GULP1: variants seen among roughly 807,000 people sequenced by gnomAD.
The protein encoded by GULP1 is PTB domain-containing engulfment adapter protein 1.
Under a neutral mutation model 40.9 loss-of-function variants are expected in GULP1, and 19 were observed. The ratio of observed to expected loss-of-function variants is 0.46; its 90% CI spans 0.32 to 0.68. GULP1 has a LOEUF of 0.68. Among genes scored for constraint, GULP1 ranks in the 30% least tolerant of loss-of-function variants. The pLI, the probability that GULP1 is intolerant of heterozygous loss-of-function variation, is 0.03. For synonymous variants in GULP1, 119 were observed against 117.6 expected, an observed-to-expected ratio of 1.01 and a Z score of -0.08; for missense variants, 312 against 362.2, an observed-to-expected ratio of 0.86 and a Z score of 1.12.
intron 1 of GULP1, among the ~76,000 whole-genome samples, chr2:188,322,502 G>A (rs2040137917): frequency 6.6e-6 from 1 of 152,074 alleles, no homozygotes; most frequent in Admixed American, 6.6e-5. Flanking sequence ...TTATAACGTG[G>A]CTGGATATAA....
At chr2:188,325,134 A>T (rs183871740) in intron 1 of GULP1, among the ~76,000 whole-genome samples, 88 of 152,182 alleles carry the variant, frequency 5.8e-4, no homozygotes, top group African/African-American at 2.0e-3. Flanking sequence ...CGAAACATTT[A>T]TTGATATATA....
At chr2:188,470,383 T>C (rs2060490615) in intron 2 of GULP1, among the ~76,000 whole-genome samples, 1 of 152,240 alleles carries the variant, frequency 6.6e-6, no homozygotes, top group Non-Finnish European at 1.5e-5. Flanking sequence ...TTTGAATGTC[T>C]GCTGTATCAG....
chr2:188,459,695 G>A (rs556476674), intron 2 of GULP1, among the ~76,000 whole-genome samples: 1 of 152,154 alleles, frequency 6.6e-6, no homozygotes, highest in Admixed American at 6.5e-5. Flanking sequence ...GTACTTGTGG[G>A]TTATTACTAA....
At chr2:188,312,397 ATTTG>A (rs1460592886) in intron 1 of GULP1, among the ~76,000 whole-genome samples, 1 of 151,930 alleles carries the variant, frequency 6.6e-6, no homozygotes. Flanking sequence ...AACATGTGGT[ATTTG>A]GTTTTCTGTT....
intron 2 of GULP1, among the ~76,000 whole-genome samples, chr2:188,457,825 C>G (rs780507585): frequency 1.9e-4 from 29 of 152,290 alleles, no homozygotes; most frequent in African/African-American, 6.7e-4. Context: ...ACAAACCCCC[C>G]ACACATGCAT....
At chr2:188,494,950 GATACCAC>G (rs1383467964) in intron 4 of GULP1, among the ~76,000 whole-genome samples, 2 of 151,950 alleles carry the variant, frequency 1.3e-5, no homozygotes, top group African/African-American at 4.8e-5. Context: ...AGACTTACCT[GATACCAC>G]AGTCCTCTCA....
At chr2:188,317,346 A>T (rs992269694) in intron 1 of GULP1, among the ~76,000 whole-genome samples, 3 of 152,200 alleles carry the variant, frequency 2.0e-5, no homozygotes, top group Non-Finnish European at 4.4e-5. Context: ...TATTTTTACA[A>T]GATATACTGG....
chr2:188,500,423 A>C (rs7602180), intron 4 of GULP1, among the ~76,000 whole-genome samples: 1 of 151,786 alleles, frequency 6.6e-6, no homozygotes, highest in East Asian at 1.9e-4. Flanking sequence ...TTTAGTTTCA[A>C]TTTTCTCTGC....
At chr2:188,366,520 A>T (rs1553533014) in intron 1 of GULP1, among the ~76,000 whole-genome samples, 1 of 149,808 alleles carries the variant, frequency 6.7e-6, no homozygotes, top group East Asian at 2.0e-4. Flanking sequence ...ATTCATTTGC[A>T]TGTCTGTCTA....
intron 2 of GULP1, among the ~76,000 whole-genome samples, chr2:188,471,152 T>C (rs1156597258): frequency 6.6e-6 from 1 of 152,190 alleles, no homozygotes. Context: ...ATCTATTTTA[T>C]CTGAAATAAA....
intron 2 of GULP1, among the ~76,000 whole-genome samples, chr2:188,407,576 A>T (rs756337933): frequency 2.6e-4 from 40 of 152,334 alleles, no homozygotes; most frequent in Admixed American, 9.2e-4. Context: ...AGTTTAAAAT[A>T]GCCTCTTTTA....
chr2:188,338,252 A>C (rs1365344916), intron 1 of GULP1, among the ~76,000 whole-genome samples: 1 of 151,734 alleles, frequency 6.6e-6, no homozygotes, highest in Non-Finnish European at 1.5e-5. Flanking sequence ...CACAATCTTA[A>C]GAATATATTT....
intron 1 of GULP1, chr2:188,297,676 C>T (rs757768696): frequency 1.6e-5 from 5 of 316,690 alleles, no homozygotes; most frequent in Non-Finnish European, 2.6e-5. Flanking sequence ...TAAAGACAAT[C>T]ATTTCAGAGC....
intron 1 of GULP1, among the ~76,000 whole-genome samples, chr2:188,365,755 T>G (rs1198391118): frequency 6.6e-6 from 1 of 152,166 alleles, no homozygotes; most frequent in South Asian, 2.1e-4. Context: ...TCCTATGTTA[T>G]GGAACATACA....
At chr2:188,427,475 T>C (rs1294040497) in intron 2 of GULP1, among the ~76,000 whole-genome samples, 1 of 152,234 alleles carries the variant, frequency 6.6e-6, no homozygotes, top group East Asian at 1.9e-4. Context: ...AATCGTTTCA[T>C]GGGCCAGGCC....
intron 1 of GULP1, among the ~76,000 whole-genome samples, chr2:188,334,498 G>T (rs530061403): frequency 1.3e-5 from 2 of 152,082 alleles, no homozygotes; most frequent in Non-Finnish European, 2.9e-5. Flanking sequence ...TGGGGGTGTG[G>T]TCCATGTATA....
At chr2:188,388,136 T>G (rs966621232) in intron 2 of GULP1, among the ~76,000 whole-genome samples, 3 of 150,074 alleles carry the variant, frequency 2.0e-5, no homozygotes, top group African/African-American at 7.4e-5. Flanking sequence ...CGGTGTTTGG[T>G]TTTTTTGTCC....
chr2:188,372,902 T>C (rs1355550691), intron 1 of GULP1, among the ~76,000 whole-genome samples: 1 of 151,520 alleles, frequency 6.6e-6, no homozygotes, highest in Non-Finnish European at 1.5e-5. Flanking sequence ...GTCAGAGATA[T>C]TTTTAAAGTT....
In GULP1 at chr2:188,594,190, A is replaced by G; in HGVS notation, c.*179A>G. On this transcript the variant is annotated 3_prime_UTR_variant, in exon 12 of 12. Coordinates refer to ENST00000409830, the MANE Select transcript of GULP1 (RefSeq NM_016315.4). ...CTATTGATCTGTAATTTTTATTTTA[A>G]AAACAGCTTACTGTAAAGTAGATCA... 2.2e-6 allele frequency: 1 copy of G among 447,940 alleles called. No homozygotes were observed. Among genetic ancestry groups the G allele is most frequent in the Non-Finnish European group, 4.1e-6 (1 of 246,366 alleles). 27.7% of individuals were successfully genotyped at this position (447,940 alleles called of 1,614,324 possible). A position where few individuals can be genotyped will look rare whatever the true frequency, so the allele number is the denominator to read the frequency against.
Sources: allele counts gnomAD v4.1 joint callset (sites outside exome capture counted in the v4.1 genomes callset), GRCh38; gene constraint gnomAD v4.1.1; transcripts MANE v1.5; gene names NCBI Gene and HGNC (gene_info 2026-07-23, HGNC 2026-07-21).